PCDHA1: variants seen among roughly 807,000 people sequenced by gnomAD.
PCDHA1 encodes the protein protocadherin alpha-1.
A neutral mutation model predicts 61.3 loss-of-function variants in PCDHA1; 42 were observed. The ratio of observed to expected loss-of-function variants is 0.69; its 90% CI spans 0.54 to 0.89. PCDHA1 has a LOEUF of 0.89. PCDHA1 is among the 40% of genes least tolerant of loss of function. The pLI is 0.00. For missense variants in PCDHA1, 1,256 were observed against 1,235.3 expected, an observed-to-expected ratio of 1.02 and a Z score of -0.25; for synonymous variants, 610 against 553.8, an observed-to-expected ratio of 1.10 and a Z score of -1.43.
intron 1 of PCDHA1, chr5:140,828,674 T>C: frequency 6.2e-7 from 1 of 1,614,218 alleles, no homozygotes; most frequent in Non-Finnish European, 8.5e-7. Context: ...AATTGGGCTC[T>C]TATTAAAGAA....
chr5:140,868,490 A>C (rs1383994336), intron 1 of PCDHA1: 1 of 152,330 alleles, frequency 6.6e-6, no homozygotes, highest in African/African-American at 2.4e-5. Flanking sequence ...TTTTTCTTTG[A>C]GTTCCCTAGC....
intron 3 of PCDHA1, among the ~76,000 whole-genome samples, chr5:141,003,559 T>C (rs2098129977): frequency 6.6e-6 from 1 of 152,106 alleles, no homozygotes; most frequent in Admixed American, 6.5e-5. Context: ...GTGATCCACC[T>C]GCCTCAGACT....
At chr5:140,793,682 CATCTT>C (rs1554118974) in intron 1 of PCDHA1, among the ~76,000 whole-genome samples, 1 of 152,174 alleles carries the variant, frequency 6.6e-6, no homozygotes, top group Non-Finnish European at 1.5e-5. Context: ...ATTTCATCCT[CATCTT>C]ATCTTTATTC....
At chr5:140,815,455 A>C (rs1554126782) in intron 1 of PCDHA1, 1 of 152,158 alleles carries the variant, frequency 6.6e-6, no homozygotes, top group African/African-American at 2.4e-5. Flanking sequence ...TCACAAAACA[A>C]AACTCATTAT....
intron 1 of PCDHA1, chr5:140,847,908 G>GA (rs1781243809): frequency 6.7e-6 from 1 of 149,496 alleles, no homozygotes; most frequent in Non-Finnish European, 1.5e-5. Context: ...AGATTTCTGG[G>GA]CTCCTATATT....
At chr5:140,996,922 A>T (rs2097752714) in intron 3 of PCDHA1, among the ~76,000 whole-genome samples, 1 of 152,198 alleles carries the variant, frequency 6.6e-6, no homozygotes, top group African/African-American at 2.4e-5. Flanking sequence ...AATATTAAAA[A>T]ATATAGCATT....
chr5:140,983,629 T>C (rs2097059537), intron 3 of PCDHA1, among the ~76,000 whole-genome samples: 1 of 152,228 alleles, frequency 6.6e-6, no homozygotes, highest in African/African-American at 2.4e-5. Flanking sequence ...TTAAGAAATG[T>C]ACCCAAGTTC....
intron 1 of PCDHA1, chr5:140,851,823 G>C (rs1554145549): frequency 1.0e-6 from 1 of 962,982 alleles, no homozygotes; most frequent in Non-Finnish European, 1.3e-6. Flanking sequence ...ACAGAAATCT[G>C]TTTTTTTAAA....
At chr5:140,823,452 C>G (rs2150125920) in intron 1 of PCDHA1, 1 of 1,613,440 alleles carries the variant, frequency 6.2e-7, no homozygotes, top group South Asian at 1.1e-5. Flanking sequence ...ACGAGAACGA[C>G]AACGCGCCGG....
intron 1 of PCDHA1, chr5:140,875,562 G>A (rs2055601257): frequency 6.2e-7 from 1 of 1,614,120 alleles, no homozygotes; most frequent in Non-Finnish European, 8.5e-7. Context: ...GGAGCGGCCA[G>A]CTCCACTACT....
intron 1 of PCDHA1, among the ~76,000 whole-genome samples, chr5:140,953,973 C>T (rs958351959): frequency 6.6e-5 from 10 of 152,036 alleles, no homozygotes; most frequent in Non-Finnish European, 1.3e-4. Context: ...GTGTGTTGTT[C>T]CCCTTCATAT....
At chr5:140,944,354 A>G (rs2093646021) in intron 1 of PCDHA1, among the ~76,000 whole-genome samples, 1 of 151,968 alleles carries the variant, frequency 6.6e-6, no homozygotes, top group South Asian at 2.1e-4. Flanking sequence ...CACCTGGCTA[A>G]TTTTTAATTT....
At position 140,821,972 on chromosome 5, in the gene PCDHA1, C is replaced by T. The variant is rs2150112402; in HGVS notation, c.2394+33288C>T. On this transcript the variant is annotated intron_variant, in intron 1 of 3. Transcript: ENST00000504120. ...CTGGTGCCGCGCCTGTTCCGGGTGG[C>T]GTCCAAGGGCCGCGGGGACCTTCTG... The T allele has an allele frequency of 7.4e-6, 12 of 1,614,018 alleles. No homozygotes were observed. In the African/African-American group the frequency reaches 9.3e-5, roughly 13 times the overall value.
chr5:140,945,689 T>G (rs529270613), intron 1 of PCDHA1, among the ~76,000 whole-genome samples: 30 of 152,170 alleles, frequency 2.0e-4, no homozygotes, highest in African/African-American at 7.0e-4. Context: ...ACAGTTACTG[T>G]CCACTGATTT....
At chr5:140,898,112 G>A (rs1308883558) in intron 1 of PCDHA1, among the ~76,000 whole-genome samples, 1 of 152,046 alleles carries the variant, frequency 6.6e-6, no homozygotes, top group African/African-American at 2.4e-5. Flanking sequence ...TGAGTAGGTT[G>A]CGAAAATTTT....
rs782160195 is a variant in PCDHA1, at chr5:140,857,078, G to C, written c.2394+68394G>C. 17 of 1,597,076 alleles carry C rather than the reference G, an allele frequency of 1.1e-5. 2 individuals are homozygous for C. The highest frequency in any genetic ancestry group is 1.5e-5 in the Non-Finnish European group (17 of 1,166,812). On this transcript the variant is annotated intron_variant, in intron 1 of 3. Transcript: ENST00000504120. ...CCTAGTGGAACTACTGGATGAAAATGATAATTCACCTGAGGTGATTGTCAC... is the reference window on the plus strand; with the variant it reads ...CCTAGTGGAACTACTGGATGAAAATCATAATTCACCTGAGGTGATTGTCAC...
intron 1 of PCDHA1, chr5:140,803,527 C>T: frequency 6.2e-7 from 1 of 1,614,232 alleles, no homozygotes; most frequent in Non-Finnish European, 8.5e-7. Context: ...CCTAGCCTTC[C>T]TCCTTGTCCA....
Position 141,010,120 on chromosome 5 carries a change from C to T in PCDHA1, c.*183C>T, listed in dbSNP as rs1554262685. 6.2e-7 allele frequency: 1 copy of T among 1,607,404 alleles called. No homozygotes were observed. Among genetic ancestry groups the T allele is most frequent in the Admixed American group, 1.7e-5 (1 of 58,482 alleles). ...AACAGGTTTTGTCGTAAAAGCTTTACTAAGTCTGGTGTTAACTCTTTCTCT... is the reference window on the plus strand; with the variant it reads ...AACAGGTTTTGTCGTAAAAGCTTTATTAAGTCTGGTGTTAACTCTTTCTCT... On this transcript the variant is annotated 3_prime_UTR_variant, in exon 4 of 4. Coordinates refer to ENST00000504120, the MANE Select transcript of PCDHA1 (RefSeq NM_018900.4).
In PCDHA1 at chr5:140,904,790, G is replaced by T. The variant is rs139747501; in HGVS notation, c.2395-74159G>T. 2.6e-3 allele frequency among the ~76,000 whole-genome samples: 392 copies of T among 152,018 alleles called. 4 individuals carry two copies. In the East Asian group the frequency reaches 0.045, roughly 17 times the overall value. The stretch of plus-strand genomic sequence containing the variant: ...TGGTATCACATTATTGTTTTAATTT[G>T]CATTTTCCTGATAATTAGTGATGTT... On this transcript the variant is annotated intron_variant, in intron 1 of 3. Coordinates refer to ENST00000504120, the MANE Select transcript of PCDHA1 (RefSeq NM_018900.4).
Sources: allele counts gnomAD v4.1 joint callset (sites outside exome capture counted in the v4.1 genomes callset), GRCh38; gene constraint gnomAD v4.1.1; transcripts MANE v1.5; gene names NCBI Gene and HGNC (gene_info 2026-07-23, HGNC 2026-07-21).